YIPF3: variants seen among roughly 807,000 people sequenced by gnomAD.
YIPF3 encodes Yip1 domain family member 3, also known as protein YIPF3.
In YIPF3, 18 loss-of-function variants were observed where a neutral mutation model predicts 40.3. The observed-to-expected ratio is 0.45, with a 90% CI of 0.31 to 0.66. The LOEUF (loss-of-function observed/expected upper bound fraction) is 0.66. Ranked by LOEUF, YIPF3 falls within the 30% of genes least tolerant of loss-of-function variation. The probability of loss-of-function intolerance (pLI) is 0.07; values close to 1 mark genes in which losing one functional copy is unlikely to be tolerated. For synonymous variants in YIPF3, 190 were observed against 179.6 expected (o/e 1.06, Z -0.46); for missense variants, 406 against 452.2 (o/e 0.90, Z 0.93).
intron 3 of YIPF3, 96 bp downstream of exon 3, chr6:43,515,499 G>A: frequency 8.2e-7 from 1 of 1,220,662 alleles, no homozygotes; most frequent in Non-Finnish European, 1.2e-6. Context: ...CATGAAGACG[G>A]GGAGCCCATC....
At chr6:43,516,477 T>C (rs1792836615) in intron 1 of YIPF3, 1 of 625,100 alleles carries the variant, frequency 1.6e-6, no homozygotes, top group Non-Finnish European at 2.7e-6. Context: ...ACCAACCTCC[T>C]AACTTGTTCC....
At position 43,512,049 on chromosome 6, in the gene YIPF3, CA is replaced by C; in HGVS notation, c.*117del. On this transcript the variant is annotated 3_prime_UTR_variant, in exon 9 of 9. Transcript: ENST00000372422. Reference sequence around the variant, plus strand: ...CATCAAGGAGGTACTTACGCAGCTACAGCTCAGTGGCAGCTGCAAACCCCAT... The same window carrying C: ...CATCAAGGAGGTACTTACGCAGCTACGCTCAGTGGCAGCTGCAAACCCCAT... The C allele has an allele frequency of 6.7e-7, 1 of 1,487,006 alleles. No homozygotes were observed. Among genetic ancestry groups the C allele is most frequent in the East Asian group, 2.3e-5 (1 of 43,836 alleles). The allele number at this position is 1,487,006 out of a possible 1,614,324, so 92.1% of individuals were successfully genotyped here.
rs1792690417 is a variant in YIPF3 at position 43,512,442 on chromosome 6, T to C, written c.902A>G (p.Glu301Gly). Residue 301 changes from glutamate (E) to glycine (G), a missense_variant and splice_region_variant, in exon 8 of 9, where the codon GAG becomes GGG. Transcript: ENST00000372422. ...ACCCAGACCTTCCTGCCACTTACCC[T>C]CTACCACTTTGTGGTAGGCAAAATG... Reference protein sequence around the residue: ...YLHFAYHKVVEGILDTLEGPN... With the variant: ...YLHFAYHKVVGGILDTLEGPN... The C allele has an allele frequency of 2.5e-6, 4 of 1,614,040 alleles. 1 individual carries two copies. The South Asian group carries it at 4.4e-5, about 18-fold the overall frequency.
Position 43,515,586 on chromosome 6 carries a change from G to A in YIPF3, c.395+9C>T, listed in dbSNP as rs1192357216. ...AGGAGGGAAGCTTCTTCAAGAGAAGGCTCCTCACCTGCTTCGCACCTGAGC... is the reference window on the plus strand; with the variant it reads ...AGGAGGGAAGCTTCTTCAAGAGAAGACTCCTCACCTGCTTCGCACCTGAGC... On this transcript the variant is annotated intron_variant, in intron 3 of 8. Coordinates refer to ENST00000372422, the MANE Select transcript of YIPF3 (RefSeq NM_015388.4). 1 of 1,612,968 alleles carries A rather than the reference G, an allele frequency of 6.2e-7. No individual in the cohort carries two copies. The highest frequency in any genetic ancestry group is 8.5e-7 in the Non-Finnish European group (1 of 1,179,848).
At chr6:43,515,093 G>A (rs907053775) in intron 3 of YIPF3, 1 of 344,642 alleles carries the variant, frequency 2.9e-6, no homozygotes, top group Non-Finnish European at 5.7e-6. Context: ...CCGCCTCCCA[G>A]GTTCATGCCA....
At position 43,513,393 on chromosome 6, in the gene YIPF3, A is replaced by T. The variant is rs1358458034; in HGVS notation, c.500T>A (p.Leu167Gln). The T allele has an allele frequency of 6.2e-7, 1 of 1,614,090 alleles. No homozygotes were observed. Among genetic ancestry groups the T allele is most frequent in the African/African-American group, 1.3e-5 (1 of 74,932 alleles). ...LMLVFTLVAILLHGMKTSDTI... is the reference protein window; with the variant it reads ...LMLVFTLVAIQLHGMKTSDTI... Reference sequence around the variant, plus strand: ...GTCAGACGTCTTCATCCCATGGAGTAGGATAGCAACCAGAGTGAAGACCAG... The same window carrying T: ...GTCAGACGTCTTCATCCCATGGAGTTGGATAGCAACCAGAGTGAAGACCAG... The change falls in exon 5 of 9, where the codon CTA (leucine) becomes CAA (glutamine). Residue 167 changes from leucine (L) to glutamine (Q), a missense_variant. Transcript: ENST00000372422.
chr6:43,515,655 T>C lies in YIPF3; in HGVS notation c.335A>G (p.Tyr112Cys). The C allele has an allele frequency of 6.2e-7, 1 of 1,613,980 alleles. No homozygotes were observed. The highest frequency in any genetic ancestry group is 8.5e-7 in the Non-Finnish European group (1 of 1,180,036). The change falls in exon 3 of 9, where the codon TAC (tyrosine) becomes TGC (cysteine). Residue 112 changes from tyrosine (Y) to cysteine (C), a missense_variant. Physicochemically the swap from Tyr to Cys is radical, Grantham distance 194. Coordinates refer to ENST00000372422, the MANE Select transcript of YIPF3 (RefSeq NM_015388.4). ...KRQASRAFSL[Y>C]ANIDILRPYF... The stretch of plus-strand genomic sequence containing the variant: ...GGGTCTGAGGATGTCGATGTTGGCG[T>C]ACAAGCTGAAGGCCCTGGAGGCTTG...
In YIPF3 at chr6:43,512,839, G is replaced by T; in HGVS notation, c.702C>A (p.Phe234Leu). 6.2e-7 allele frequency: 1 copy of T among 1,614,090 alleles called. No individual in the cohort carries two copies. Among genetic ancestry groups the T allele is most frequent in the South Asian group, 1.1e-5 (1 of 91,066 alleles). The change falls in exon 7 of 9, where the codon TTC becomes TTA. Residue 234 changes from phenylalanine (F) to leucine (L), a missense_variant. Phe to Leu is a conservative substitution (Grantham distance 22). Coordinates refer to ENST00000372422, the MANE Select transcript of YIPF3 (RefSeq NM_015388.4). ...YGLFGHCIVL[F>L]ITYNIHLHAL... ...CGTGGAGGTGGATATTATAGGTGAT[G>T]AACAGGACAATGCAATGCCCAAAGA... is the stretch of plus-strand genomic sequence containing the variant.
intron 8 of YIPF3, 29 bp from the exon 9 acceptor site, chr6:43,512,344 A>T: frequency 6.2e-7 from 1 of 1,612,444 alleles, no homozygotes; most frequent in Non-Finnish European, 8.5e-7. Context: ...GTGAGCGAGG[A>T]TCAGATGGGC....
chr6:43,513,691 G>C lies in YIPF3; in HGVS notation c.396-58C>G, dbSNP rs1024024908. On this transcript the variant is annotated intron_variant, in intron 3 of 8. Transcript: ENST00000372422. Reference sequence around the variant, plus strand: ...CAGCACAAGGCCATGAGGTTCTGGAGGGCAAGGCCTGAATTTTATTCATCT... The same window carrying C: ...CAGCACAAGGCCATGAGGTTCTGGACGGCAAGGCCTGAATTTTATTCATCT... 1.8e-5 allele frequency: 27 copies of C among 1,488,744 alleles called. No individual in the cohort carries two copies. The South Asian group carries it at 3.6e-4, about 20-fold the overall frequency. 92.2% of individuals were successfully genotyped at this position (1,488,744 alleles called of 1,614,324 possible).
intron 3 of YIPF3, chr6:43,515,107 T>G: frequency 2.8e-6 from 1 of 354,316 alleles, no homozygotes; most frequent in Non-Finnish European, 5.5e-6. Flanking sequence ...CATGCCATTC[T>G]CCTGCCTCAG....
chr6:43,513,261 C>G (rs1561852911), intron 5 of YIPF3, 61 bp from the exon 6 acceptor site: 3 of 1,613,076 alleles, frequency 1.9e-6, no homozygotes, highest in Non-Finnish European at 2.5e-6. Flanking sequence ...CACCTAGGGC[C>G]TTCCGCAGGG....
At chr6:43,512,981 C>A in intron 6 of YIPF3, 88 bp downstream of exon 6, 3 of 1,594,458 alleles carry the variant, frequency 1.9e-6, no homozygotes, top group Non-Finnish European at 2.6e-6. Context: ...TCCTCCCATT[C>A]CAGGCTTTGG....
intron 3 of YIPF3, among the ~76,000 whole-genome samples, chr6:43,514,687 G>A (rs563257511): frequency 6.6e-6 from 1 of 152,172 alleles, no homozygotes; most frequent in Non-Finnish European, 1.5e-5. Flanking sequence ...AACCAGATAC[G>A]ATTAGTTTAG....
At position 43,516,882 on chromosome 6, in the gene YIPF3, A is replaced by T. The variant is rs1401721504; in HGVS notation, c.-75T>A. The stretch of plus-strand genomic sequence containing the variant: ...AGTGGGCAAGATGTGGGCCTCCGGA[A>T]GGTAGACGTCCAGGGTCGAGGAGAG... On this transcript the variant is annotated 5_prime_UTR_variant, in exon 1 of 9. Transcript: ENST00000372422. 16 of 1,486,574 alleles carry T rather than the reference A, an allele frequency of 1.1e-5. No individual in the cohort carries two copies. Among genetic ancestry groups the T allele is most frequent in the Non-Finnish European group, 1.3e-5 (14 of 1,088,452 alleles). The allele number at this position is 1,486,574 out of a possible 1,614,324, so 92.1% of individuals were successfully genotyped here.
At chr6:43,515,460 A>G (rs911710257) in intron 3 of YIPF3, 135 bp downstream of exon 3, 38 of 805,090 alleles carry the variant, frequency 4.7e-5, no homozygotes, top group Non-Finnish European at 7.5e-5. Context: ...TGTTTCAGTG[A>G]CAGGTGCAGT....
Position 43,512,393 on chromosome 6 carries a change from G to A in YIPF3, c.904+47C>T, listed in dbSNP as rs745675391. The A allele has an allele frequency of 5.0e-6, 8 of 1,614,156 alleles. No individual in the cohort carries two copies. The Middle Eastern group carries it at 4.9e-4, about 100-fold the overall frequency. On this transcript the variant is annotated intron_variant, in intron 8 of 8. Transcript: ENST00000372422. ...CATCATATCTAGCTTCTTGCTCTAG[G>A]CAGCTGCTTTCCCATTCTCCCCCAC...
intron 3 of YIPF3, among the ~76,000 whole-genome samples, chr6:43,514,444 G>GA (rs1792734242): frequency 6.6e-6 from 1 of 152,154 alleles, no homozygotes; most frequent in African/African-American, 2.4e-5. Flanking sequence ...GTATTTTCTT[G>GA]AAAAATATAT....
At chr6:43,513,878 T>C (rs149096700) in intron 3 of YIPF3, 307 of 415,000 alleles carry the variant, frequency 7.4e-4, no homozygotes, top group Non-Finnish European at 1.1e-3. Flanking sequence ...ACAGCAGCTA[T>C]ATGGAGAACT....
Sources: gnomAD v4.1 joint callset for allele counts (sites outside exome capture counted in the v4.1 genomes callset) on GRCh38, gnomAD v4.1.1 for gene constraint, MANE v1.5 for transcripts, NCBI Gene and HGNC (gene_info 2026-07-23, HGNC 2026-07-21) for gene names.